Variants in EPHA6 observed in about 807,000 individuals in gnomAD.
EPHA6 encodes ephrin type-A receptor 6.
Under a neutral mutation model 112.0 loss-of-function variants are expected in EPHA6, and 50 were observed. The ratio of observed to expected loss-of-function variants is 0.45; its 90% CI spans 0.36 to 0.56. The LOEUF is 0.56. Among genes scored for constraint, EPHA6 ranks in the 20% least tolerant of loss-of-function variants. The pLI is 0.00. For synonymous variants in EPHA6, 529 were observed against 490.7 expected (o/e 1.08, Z -1.03); for missense variants, 1,280 against 1,417.4 (o/e 0.90, Z 1.56).
At chr3:97,019,517 G>A (rs949168286) in intron 3 of EPHA6, among the ~76,000 whole-genome samples, 3 of 152,096 alleles carry the variant, frequency 2.0e-5, no homozygotes, top group African/African-American at 7.2e-5. Context: ...AACACAAAAA[G>A]ACTGCCTGTC....
chr3:97,010,443 C>T (rs1196371584), intron 3 of EPHA6, among the ~76,000 whole-genome samples: 2 of 152,100 alleles, frequency 1.3e-5, no homozygotes, highest in Non-Finnish European at 2.9e-5. Flanking sequence ...ACTATCTAGT[C>T]ATTTATGGGT....
chr3:97,610,513 A>G (rs887161014), intron 12 of EPHA6, among the ~76,000 whole-genome samples: 1 of 151,680 alleles, frequency 6.6e-6, no homozygotes, highest in African/African-American at 2.4e-5. Context: ...AACATAATCT[A>G]AACAAGTGAT....
chr3:97,139,574 T>A (rs1272254848), intron 3 of EPHA6, among the ~76,000 whole-genome samples: 1 of 152,116 alleles, frequency 6.6e-6, no homozygotes, highest in African/African-American at 2.4e-5. Context: ...ACTAAGGATA[T>A]GTATAACCAA....
chr3:97,525,906 A>T (rs144249839), intron 10 of EPHA6, among the ~76,000 whole-genome samples: 1 of 152,132 alleles, frequency 6.6e-6, no homozygotes, highest in Admixed American at 6.6e-5. Flanking sequence ...TCCACGTGCA[A>T]TGATGGATAT....
intron 6 of EPHA6, among the ~76,000 whole-genome samples, chr3:97,440,848 T>C (rs2090099492): frequency 6.6e-6 from 1 of 151,700 alleles, no homozygotes; most frequent in Non-Finnish European, 1.5e-5. Flanking sequence ...TAATAGGAAA[T>C]GTTATTTACG....
At chr3:97,448,440 TA>T in intron 6 of EPHA6, 127 bp from the exon 7 acceptor site, 1 of 962,340 alleles carries the variant, frequency 1.0e-6, no homozygotes, top group Non-Finnish European at 1.6e-6. Context: ...AAAACCATGC[TA>T]ACACTACTTT....
At chr3:96,836,588 T>G (rs2034428781) in intron 1 of EPHA6, among the ~76,000 whole-genome samples, 2 of 152,168 alleles carry the variant, frequency 1.3e-5, no homozygotes, top group South Asian at 4.1e-4. Context: ...AATCATTCAT[T>G]CCACATTTAC....
At chr3:97,624,364 C>A (rs2093838272) in intron 13 of EPHA6, among the ~76,000 whole-genome samples, 1 of 151,588 alleles carries the variant, frequency 6.6e-6, no homozygotes, top group African/African-American at 2.4e-5. Context: ...CATATTTGAA[C>A]CATCCTGACA....
chr3:97,347,913 A>C (rs2108882826), intron 5 of EPHA6, among the ~76,000 whole-genome samples: 1 of 152,208 alleles, frequency 6.6e-6, no homozygotes, highest in South Asian at 2.1e-4. Flanking sequence ...AAGAAGCCTC[A>C]GGTCACAAAC....
At chr3:96,913,158 G>A (rs989434389) in intron 2 of EPHA6, among the ~76,000 whole-genome samples, 63 of 120,918 alleles carry the variant, frequency 5.2e-4, no homozygotes, top group Admixed American at 4.0e-3. Context: ...GTGAGACCCC[G>A]TCTACACACA....
At chr3:97,158,889 T>TTTG (rs1372672851) in intron 3 of EPHA6, among the ~76,000 whole-genome samples, 1 of 152,166 alleles carries the variant, frequency 6.6e-6, no homozygotes, top group Non-Finnish European at 1.5e-5. Context: ...TAGGAATTTC[T>TTTG]TTGTGGGCAA....
At chr3:97,062,705 C>T (rs1256314884) in intron 3 of EPHA6, among the ~76,000 whole-genome samples, 4 of 152,024 alleles carry the variant, frequency 2.6e-5, no homozygotes, top group African/African-American at 4.8e-5. Context: ...AAGGGGAAAC[C>T]CCTCTTGCTT....
At chr3:96,863,496 A>G (rs1022304762) in intron 1 of EPHA6, among the ~76,000 whole-genome samples, 2 of 151,996 alleles carry the variant, frequency 1.3e-5, no homozygotes, top group Non-Finnish European at 2.9e-5. Flanking sequence ...CTGAAATGCA[A>G]ATTTGGAATC....
chr3:97,236,142 G>T (rs1390369117), intron 4 of EPHA6, among the ~76,000 whole-genome samples: 2 of 151,810 alleles, frequency 1.3e-5, no homozygotes, highest in Non-Finnish European at 2.9e-5. Context: ...CTGCCTCTGG[G>T]AGCAGTTTGG....
At chr3:97,479,714 G>A (rs2091474886) in intron 9 of EPHA6, among the ~76,000 whole-genome samples, 1 of 152,022 alleles carries the variant, frequency 6.6e-6, no homozygotes, top group Admixed American at 6.5e-5. Context: ...AAATATTAGG[G>A]AATCTTTATT....
At chr3:97,361,139 T>C (rs1253980222) in intron 5 of EPHA6, among the ~76,000 whole-genome samples, 3 of 152,192 alleles carry the variant, frequency 2.0e-5, no homozygotes, top group Non-Finnish European at 4.4e-5. Context: ...AACACAAAAA[T>C]TTCATAGGCA....
chr3:97,450,269 G>A (rs2090482670), intron 7 of EPHA6, among the ~76,000 whole-genome samples: 1 of 151,886 alleles, frequency 6.6e-6, no homozygotes, highest in African/African-American at 2.4e-5. Context: ...CTTAGCCTAG[G>A]TATAAAGCTA....
intron 2 of EPHA6, among the ~76,000 whole-genome samples, chr3:96,878,819 A>G (rs767927302): frequency 4.6e-4 from 70 of 152,078 alleles, no homozygotes; most frequent in Non-Finnish European, 3.1e-4. Flanking sequence ...TAGAGAAGGA[A>G]TAAAAGTTGA....
chr3:97,633,123 G>A (rs1379210671), intron 13 of EPHA6, among the ~76,000 whole-genome samples: 3 of 152,032 alleles, frequency 2.0e-5, no homozygotes, highest in Non-Finnish European at 4.4e-5. Context: ...TCAGATCTGG[G>A]GATGCTGTGT....
Sources: gnomAD v4.1 joint callset for allele counts (sites outside exome capture counted in the v4.1 genomes callset) on GRCh38, gnomAD v4.1.1 for gene constraint, MANE v1.5 for transcripts, NCBI Gene and HGNC (gene_info 2026-07-23, HGNC 2026-07-21) for gene names.